The following NCOA3 variants were observed in gnomAD, a reference collection of about 807,000 sequenced individuals.
NCOA3 encodes CBP-interacting protein.
Under a neutral mutation model 158.8 loss-of-function variants are expected in NCOA3, and 51 were observed. That is an observed-to-expected ratio of 0.32 (90% CI 0.26 to 0.41). NCOA3 has a LOEUF of 0.41. Ranked by LOEUF, NCOA3 falls within the 10% of genes least tolerant of loss-of-function variation. NCOA3 has a pLI of 1.00. For synonymous variants in NCOA3, 537 were observed against 592.4 expected, an observed-to-expected ratio of 0.91 and a Z score of 1.36; for missense variants, 1,510 against 1,746.6, an observed-to-expected ratio of 0.86 and a Z score of 2.41.
At chr20:47,579,057 C>A (rs2085413784) in intron 1 of NCOA3, among the ~76,000 whole-genome samples, 1 of 152,214 alleles carries the variant, frequency 6.6e-6, no homozygotes, top group Admixed American at 6.5e-5. Context: ...TGAGGCATAT[C>A]TTCTCAGACT....
intron 1 of NCOA3, among the ~76,000 whole-genome samples, chr20:47,558,980 A>G (rs2085057215): frequency 6.6e-6 from 1 of 152,064 alleles, no homozygotes; most frequent in Non-Finnish European, 1.5e-5. Flanking sequence ...TTTTTCCGTA[A>G]CAGTGATGGC....
At chr20:47,529,857 G>T (rs2146103792) in intron 1 of NCOA3, among the ~76,000 whole-genome samples, 1 of 152,262 alleles carries the variant, frequency 6.6e-6, no homozygotes, top group East Asian at 1.9e-4. Context: ...AAGAAACAGT[G>T]GAAATTTCCA....
At chr20:47,643,349 T>C (rs1433194711) in intron 17 of NCOA3, among the ~76,000 whole-genome samples, 1 of 152,268 alleles carries the variant, frequency 6.6e-6, no homozygotes, top group African/African-American at 2.4e-5. Context: ...TACACTGCCA[T>C]GTGGCAAATG....
At chr20:47,566,240 T>C (rs2085193055) in intron 1 of NCOA3, among the ~76,000 whole-genome samples, 1 of 152,112 alleles carries the variant, frequency 6.6e-6, no homozygotes, top group Non-Finnish European at 1.5e-5. Context: ...CCCCTCCCTT[T>C]TTGTTCCCAG....
chr20:47,520,976 C>T (rs1238021862), intron 1 of NCOA3, among the ~76,000 whole-genome samples: 1 of 152,224 alleles, frequency 6.6e-6, no homozygotes, highest in Admixed American at 6.5e-5. Flanking sequence ...ACCGCAAGTA[C>T]GGTTGTTTGT....
chr20:47,565,715 C>T (rs923011090), intron 1 of NCOA3, among the ~76,000 whole-genome samples: 3 of 152,112 alleles, frequency 2.0e-5, no homozygotes, highest in Non-Finnish European at 4.4e-5. Context: ...GACTGAAACC[C>T]TGTTCCAAAA....
intron 1 of NCOA3, among the ~76,000 whole-genome samples, chr20:47,562,855 A>G (rs940637542): frequency 6.6e-6 from 1 of 152,022 alleles, no homozygotes; most frequent in Admixed American, 6.6e-5. Flanking sequence ...CTTCTTTTAC[A>G]TGTAATTATG....
intron 1 of NCOA3, among the ~76,000 whole-genome samples, chr20:47,534,803 C>A (rs1156933276): frequency 2.6e-5 from 4 of 151,944 alleles, no homozygotes; most frequent in Admixed American, 2.6e-4. Context: ...GTAGTCCCAG[C>A]TGTTGGGTGG....
At chr20:47,613,185 T>C (rs532325098) in intron 2 of NCOA3, among the ~76,000 whole-genome samples, 23 of 152,228 alleles carry the variant, frequency 1.5e-4, no homozygotes, top group Non-Finnish European at 2.9e-4. Flanking sequence ...GCAAAGATAG[T>C]GGAGAAGAAA....
chr20:47,622,530 T>A (rs1330097798), intron 3 of NCOA3, among the ~76,000 whole-genome samples, 200 bp downstream of exon 3: 1 of 152,152 alleles, frequency 6.6e-6, no homozygotes, highest in Non-Finnish European at 1.5e-5. Context: ...ATATAGAAGG[T>A]AGAATATTAA....
At chr20:47,599,190 C>T (rs1017999641) in intron 2 of NCOA3, among the ~76,000 whole-genome samples, 4 of 152,020 alleles carry the variant, frequency 2.6e-5, no homozygotes, top group Admixed American at 6.5e-5. Context: ...ATGACTGAAC[C>T]GATATGTGCT....
chr20:47,540,972 CTGTT>C (rs1261015537), intron 1 of NCOA3, among the ~76,000 whole-genome samples: 1 of 152,094 alleles, frequency 6.6e-6, no homozygotes, highest in Non-Finnish European at 1.5e-5. Flanking sequence ...GAACTGCAAA[CTGTT>C]TGAACATGAA....
chr20:47,512,320 C>T (rs2084158192), intron 1 of NCOA3, among the ~76,000 whole-genome samples: 1 of 151,922 alleles, frequency 6.6e-6, no homozygotes, highest in African/African-American at 2.4e-5. Flanking sequence ...CCTATAATCC[C>T]AGCACTTTGG....
At chr20:47,600,455 C>T (rs1331009829) in intron 2 of NCOA3, among the ~76,000 whole-genome samples, 4 of 151,676 alleles carry the variant, frequency 2.6e-5, no homozygotes, top group African/African-American at 7.3e-5. Context: ...GGATTTCAGG[C>T]GTGAGCCACC....
chr20:47,552,166 A>G (rs565866697), intron 1 of NCOA3, among the ~76,000 whole-genome samples: 8 of 152,210 alleles, frequency 5.3e-5, no homozygotes, highest in Non-Finnish European at 7.3e-5. Flanking sequence ...ATCATATCAC[A>G]TTACTGAAGC....
At chr20:47,547,550 C>G (rs1333071090) in intron 1 of NCOA3, among the ~76,000 whole-genome samples, 1 of 151,272 alleles carries the variant, frequency 6.6e-6, no homozygotes, top group Non-Finnish European at 1.5e-5. Context: ...GTAGCTGGGA[C>G]TACAGGCGCC....
chr20:47,598,175 A>G (rs1407979325), intron 2 of NCOA3, among the ~76,000 whole-genome samples: 1 of 132,574 alleles, frequency 7.5e-6, no homozygotes, highest in Non-Finnish European at 1.6e-5. Context: ...TGAATGTGGG[A>G]GGCGGAGCTT....
intron 1 of NCOA3, among the ~76,000 whole-genome samples, chr20:47,547,438 A>G (rs1053702050): frequency 6.6e-6 from 1 of 151,328 alleles, no homozygotes; most frequent in Non-Finnish European, 1.5e-5. Context: ...TTTTAGACGG[A>G]GTCTCGCTCT....
At chr20:47,585,288 G>A (rs889432603) in intron 2 of NCOA3, among the ~76,000 whole-genome samples, 8 of 152,024 alleles carry the variant, frequency 5.3e-5, no homozygotes, top group Non-Finnish European at 7.4e-5. Flanking sequence ...CTCAAGTGAC[G>A]TGCCTGCCTT....
Sources: allele counts gnomAD v4.1 joint callset (sites outside exome capture counted in the v4.1 genomes callset), GRCh38; gene constraint gnomAD v4.1.1; transcripts MANE v1.5; gene names NCBI Gene and HGNC (gene_info 2026-07-23, HGNC 2026-07-21).